PDE7A: variants seen among roughly 807,000 people sequenced by gnomAD.
PDE7A encodes the protein high affinity 3',5'-cyclic-AMP phosphodiesterase 7A.
A neutral mutation model predicts 64.3 loss-of-function variants in PDE7A; 39 were observed. That is an observed-to-expected ratio of 0.61 (90% CI 0.47 to 0.79). PDE7A has a LOEUF of 0.79. Among genes scored for constraint, PDE7A ranks in the 30% least tolerant of loss-of-function variants. The pLI, the probability that PDE7A is intolerant of heterozygous loss-of-function variation, is 0.00. For missense variants in PDE7A, 470 were observed against 582.8 expected, an observed-to-expected ratio of 0.81 and a Z score of 1.99; for synonymous variants, 203 against 206.8, an observed-to-expected ratio of 0.98 and a Z score of 0.16.
At chr8:65,839,387 T>C (rs998352955) in intron 1 of PDE7A, among the ~76,000 whole-genome samples, 25 of 151,896 alleles carry the variant, frequency 1.6e-4, no homozygotes, top group Non-Finnish European at 3.2e-4. Context: ...GATTCCAAGG[T>C]TTTCTGTCTC....
At chr8:65,816,976 G>T (rs1193733121) in intron 1 of PDE7A, among the ~76,000 whole-genome samples, 1 of 152,144 alleles carries the variant, frequency 6.6e-6, no homozygotes, top group Non-Finnish European at 1.5e-5. Flanking sequence ...GTTTTTCACA[G>T]ATTTCTGAGC....
chr8:65,770,459 C>T (rs772544833), intron 3 of PDE7A, among the ~76,000 whole-genome samples: 4 of 152,098 alleles, frequency 2.6e-5, no homozygotes, highest in South Asian at 4.1e-4. Context: ...TTCACTACCA[C>T]GAGAACAGTA....
chr8:65,790,869 A>G (rs1809682207), intron 1 of PDE7A, among the ~76,000 whole-genome samples: 1 of 152,236 alleles, frequency 6.6e-6, no homozygotes, highest in South Asian at 2.1e-4. Context: ...CATGAGACAG[A>G]GCAGCAGAGT....
At chr8:65,750,851 T>C (rs897803738) in intron 3 of PDE7A, among the ~76,000 whole-genome samples, 9 of 152,216 alleles carry the variant, frequency 5.9e-5, no homozygotes, top group Admixed American at 3.9e-4. Context: ...GAAGTTAAGA[T>C]TCATTATCAA....
chr8:65,752,193 C>G (rs888193708), intron 3 of PDE7A, among the ~76,000 whole-genome samples: 8 of 152,148 alleles, frequency 5.3e-5, no homozygotes, highest in Admixed American at 4.6e-4. Flanking sequence ...TTGTTAGTTA[C>G]CAGAGCATAT....
chr8:65,756,429 C>CT (rs572075875), intron 3 of PDE7A, among the ~76,000 whole-genome samples: 50 of 150,806 alleles, frequency 3.3e-4, no homozygotes, highest in African/African-American at 1.0e-3. Flanking sequence ...GTTCATTTCT[C>CT]TTTTTTTTCT....
chr8:65,724,078 A>G (rs896034374), intron 11 of PDE7A, among the ~76,000 whole-genome samples, 177 bp downstream of exon 11: 11 of 152,222 alleles, frequency 7.2e-5, no homozygotes, highest in African/African-American at 2.4e-4. Context: ...GAGGACTTCT[A>G]ATTTTCAAAA....
At chr8:65,819,468 A>C (rs760500766) in intron 1 of PDE7A, among the ~76,000 whole-genome samples, 3 of 152,234 alleles carry the variant, frequency 2.0e-5, no homozygotes, top group Non-Finnish European at 4.4e-5. Flanking sequence ...CAATAATTCC[A>C]CTTCTATAAA....
chr8:65,738,772 G>A (rs1209798008), intron 6 of PDE7A, among the ~76,000 whole-genome samples: 1 of 152,114 alleles, frequency 6.6e-6, no homozygotes, highest in Non-Finnish European at 1.5e-5. Context: ...GAGATTCTAG[G>A]GGTCAGAAAA....
intron 1 of PDE7A, among the ~76,000 whole-genome samples, chr8:65,831,815 T>C (rs1810828796): frequency 6.6e-6 from 1 of 152,202 alleles, no homozygotes; most frequent in Non-Finnish European, 1.5e-5. Flanking sequence ...TTGCCAAAGA[T>C]CTGGGTCCAA....
At chr8:65,733,081 AT>A (rs773372830) in intron 7 of PDE7A, among the ~76,000 whole-genome samples, 3 of 152,132 alleles carry the variant, frequency 2.0e-5, no homozygotes, top group East Asian at 3.8e-4. Context: ...GGGCTTTGTG[AT>A]TTTATCTATA....
intron 9 of PDE7A, 105 bp downstream of exon 9, chr8:65,726,770 C>A (rs188212826): frequency 8.2e-6 from 5 of 611,934 alleles, no homozygotes; most frequent in Non-Finnish European, 1.2e-5. Flanking sequence ...ACACTGAAAA[C>A]TGTGGAACAC....
intron 1 of PDE7A, among the ~76,000 whole-genome samples, chr8:65,784,211 A>G (rs1055883912): frequency 6.6e-6 from 1 of 152,124 alleles, no homozygotes; most frequent in Non-Finnish European, 1.5e-5. Flanking sequence ...TGTCTCAAAA[A>G]AAGGGGCGAG....
At chr8:65,794,024 A>C (rs1809771449) in intron 1 of PDE7A, among the ~76,000 whole-genome samples, 1 of 152,208 alleles carries the variant, frequency 6.6e-6, no homozygotes, top group Admixed American at 6.5e-5. Flanking sequence ...GCTCTACAGT[A>C]ATGTAACTGA....
At chr8:65,770,956 G>A (rs1298282988) in intron 3 of PDE7A, 2 of 260,078 alleles carry the variant, frequency 7.7e-6, no homozygotes, top group African/African-American at 2.3e-5. Flanking sequence ...GAAAAGACTC[G>A]TTAAAGTCAG....
chr8:65,723,680 A>C, intron 11 of PDE7A, 59 bp from the exon 12 acceptor site: 1 of 1,223,940 alleles, frequency 8.2e-7, no homozygotes, highest in Non-Finnish European at 1.1e-6. Flanking sequence ...TAAATATATA[A>C]TTAAAGGCTT....
At chr8:65,782,672 T>C in intron 2 of PDE7A, 111 bp downstream of exon 2, 1 of 635,274 alleles carries the variant, frequency 1.6e-6, no homozygotes, top group South Asian at 2.0e-5. Context: ...AATAGGTTAT[T>C]TCTACTACAA....
rs199949390 is a variant in PDE7A at position 65,779,778 on chromosome 8, T to C, written c.225A>G (p.Ala75=). Residue 75 remains alanine, a synonymous_variant, in exon 3 of 13, where the codon GCA becomes GCG. Coordinates refer to ENST00000401827, the MANE Select transcript of PDE7A (RefSeq NM_001242318.3). ...MLGDVRVRSR[A]GFESERRGSH... ...AACCTCTTCTTTCTGATTCAAATCC[T>C]GCTCGGCTCCTTACACGTACATCTC... is the stretch of plus-strand genomic sequence containing the variant. 1.9e-6 allele frequency: 3 copies of C among 1,601,364 alleles called. No homozygotes were observed. The highest frequency in any genetic ancestry group is 3.4e-5 in the Admixed American group (2 of 58,956).
intron 3 of PDE7A, among the ~76,000 whole-genome samples, chr8:65,773,525 A>T (rs1441759985): frequency 6.6e-6 from 1 of 152,234 alleles, no homozygotes; most frequent in African/African-American, 2.4e-5. Context: ...ATAAGTATAG[A>T]TACCAAAACC....
Sources: allele counts gnomAD v4.1 joint callset (sites outside exome capture counted in the v4.1 genomes callset), GRCh38; gene constraint gnomAD v4.1.1; transcripts MANE v1.5; gene names NCBI Gene and HGNC (gene_info 2026-07-23, HGNC 2026-07-21).